The following ZNF804B variants were observed in gnomAD, a reference collection of about 807,000 sequenced individuals.
The protein encoded by ZNF804B is zinc finger 804B.
In ZNF804B, 80 loss-of-function variants were observed where a neutral mutation model predicts 101.4. That is an observed-to-expected ratio of 0.79 (90% CI 0.66 to 0.95). The LOEUF (loss-of-function observed/expected upper bound fraction) is 0.95, where lower values mean the gene tolerates loss of function less well. Among genes scored for constraint, ZNF804B ranks in the 40% least tolerant of loss-of-function variants. The probability of loss-of-function intolerance (pLI) is 0.00; values close to 1 mark genes in which losing one functional copy is unlikely to be tolerated. For missense variants in ZNF804B, 1,673 were observed against 1,561.9 expected, an observed-to-expected ratio of 1.07 and a Z score of -1.20; for synonymous variants, 622 against 558.8, an observed-to-expected ratio of 1.11 and a Z score of -1.59.
chr7:89,018,468 T>C (rs1371706746), intron 1 of ZNF804B, among the ~76,000 whole-genome samples: 1 of 70,222 alleles, frequency 1.4e-5, no homozygotes, highest in African/African-American at 9.1e-5. Flanking sequence ...GTCTGTAGTT[T>C]TTATGGAGTT....
chr7:89,327,404 G>T lies in ZNF804B; in HGVS notation c.310G>T (p.Asp104Tyr). The change falls in exon 3 of 4, where the codon GAT becomes TAT. Residue 104 changes from aspartate to tyrosine, a missense_variant. Transcript: ENST00000333190. ...ARNVASKSWK[D>Y]EKKQEKALKR... ...AAATGTAGCTTCTAAGTCATGGAAA[G>T]ATGAGAAAAAACAAGAAAAAGCACT... 2 of 1,611,392 alleles carry T rather than the reference G, an allele frequency of 1.2e-6. No homozygotes were observed. Among genetic ancestry groups the T allele is most frequent in the Non-Finnish European group, 8.5e-7 (1 of 1,178,498 alleles).
At chr7:89,083,785 A>T (rs751825426) in intron 1 of ZNF804B, among the ~76,000 whole-genome samples, 1 of 151,910 alleles carries the variant, frequency 6.6e-6, no homozygotes, top group Non-Finnish European at 1.5e-5. Context: ...TTATACCTGA[A>T]AAAGAGTGTA....
At position 88,944,813 on chromosome 7, in the gene ZNF804B, A is replaced by G. The variant is rs538460068; in HGVS notation, c.108+184729A>G. ...AACTTTTTGAGTGCTGACAGACTCAAGTAGAAAATTCTATAATTAGTACTT... is the reference window on the plus strand; with the variant it reads ...AACTTTTTGAGTGCTGACAGACTCAGGTAGAAAATTCTATAATTAGTACTT... On this transcript the variant is annotated intron_variant, in intron 1 of 3. Transcript: ENST00000333190. Among the ~76,000 whole-genome samples the G allele has an allele frequency of 6.6e-5, 10 of 152,054 alleles. No homozygotes were observed. The East Asian group carries it at 1.9e-3, about 30-fold the overall frequency.
chr7:88,794,982 A>G (rs2115694317), intron 1 of ZNF804B: 1 of 1,501,280 alleles, frequency 6.7e-7, no homozygotes, highest in African/African-American at 1.4e-5. Flanking sequence ...TCCAGCTTTT[A>G]GCTTATCATA....
intron 1 of ZNF804B, among the ~76,000 whole-genome samples, chr7:89,008,319 ATAAAGT>A (rs1418573962): frequency 2.6e-5 from 4 of 152,092 alleles, no homozygotes; most frequent in Non-Finnish European, 4.4e-5. Flanking sequence ...TCTGAATCAT[ATAAAGT>A]TAATCTGTGA....
intron 1 of ZNF804B, among the ~76,000 whole-genome samples, chr7:89,074,540 A>T (rs1250066201): frequency 6.6e-6 from 1 of 152,116 alleles, no homozygotes; most frequent in East Asian, 1.9e-4. Context: ...CTTGTCTTCC[A>T]CCACAATTGT....
intron 2 of ZNF804B, among the ~76,000 whole-genome samples, chr7:89,230,541 G>A (rs192695603): frequency 5.9e-5 from 9 of 152,240 alleles, no homozygotes; most frequent in Admixed American, 6.5e-5. Context: ...ATGTAAATAA[G>A]TAAATAAGAC....
intron 1 of ZNF804B, among the ~76,000 whole-genome samples, chr7:89,101,533 T>TAA (rs1285979450): frequency 6.6e-6 from 1 of 151,958 alleles, no homozygotes; most frequent in Non-Finnish European, 1.5e-5. Flanking sequence ...AACTCACATT[T>TAA]ATAAAAGGTG....
intron 2 of ZNF804B, among the ~76,000 whole-genome samples, chr7:89,224,644 C>T (rs1022775362): frequency 6.6e-6 from 1 of 151,592 alleles, no homozygotes; most frequent in Non-Finnish European, 1.5e-5. Context: ...TGAATACCTT[C>T]AGTACCATAA....
intron 1 of ZNF804B, among the ~76,000 whole-genome samples, chr7:89,044,437 C>A (rs1016989261): frequency 6.6e-6 from 1 of 152,088 alleles, no homozygotes; most frequent in Non-Finnish European, 1.5e-5. Flanking sequence ...TGCAAAGATA[C>A]CCAAAAATGT....
At position 88,871,160 on chromosome 7, in the gene ZNF804B, T is replaced by C. The variant is rs898856687; in HGVS notation, c.108+111076T>C. 2.0e-5 allele frequency among the ~76,000 whole-genome samples: 3 copies of C among 152,136 alleles called. No homozygotes were observed. The South Asian group carries it at 6.2e-4, about 32-fold the overall frequency. On this transcript the variant is annotated intron_variant, in intron 1 of 3. Coordinates refer to ENST00000333190, the MANE Select transcript of ZNF804B (RefSeq NM_181646.5). ...TGTTGAATTGTCTCCTGCAAATAGG[T>C]GAAGATACCTGAAAAATAAAACATG... is the stretch of plus-strand genomic sequence containing the variant.
At position 88,918,768 on chromosome 7, in the gene ZNF804B, G is replaced by A. The variant is rs923646557; in HGVS notation, c.108+158684G>A. On this transcript the variant is annotated intron_variant, in intron 1 of 3. Transcript: ENST00000333190. Reference sequence around the variant, plus strand: ...TGTCCAAGGCCTAAGAGTGGGATTGGGGGGTGAGGGGGACGATAGATTCTT... The same window carrying A: ...TGTCCAAGGCCTAAGAGTGGGATTGAGGGGTGAGGGGGACGATAGATTCTT... 2.0e-5 allele frequency among the ~76,000 whole-genome samples: 3 copies of A among 152,054 alleles called. No individual in the cohort carries two copies. In the East Asian group the frequency reaches 5.8e-4, roughly 29 times the overall value.
intron 3 of ZNF804B, among the ~76,000 whole-genome samples, chr7:89,328,526 C>T (rs774232451): frequency 5.3e-5 from 8 of 151,764 alleles, no homozygotes; most frequent in South Asian, 2.1e-4. Context: ...CTAGAAGCAA[C>T]GCATACATTT....
chr7:88,979,944 A>G (rs1300418149), intron 1 of ZNF804B, among the ~76,000 whole-genome samples: 40 of 151,006 alleles, frequency 2.6e-4, no homozygotes, highest in Non-Finnish European at 3.0e-5. Context: ...TGTATTTTAA[A>G]TACCCTGTCT....
At chr7:89,243,707 T>C (rs1199319673) in intron 2 of ZNF804B, among the ~76,000 whole-genome samples, 1 of 151,936 alleles carries the variant, frequency 6.6e-6, no homozygotes, top group African/African-American at 2.4e-5. Context: ...AGCAGTCTTA[T>C]CTATTGTGTT....
In ZNF804B at chr7:89,300,881, T is replaced by C. The variant is rs1229933029; in HGVS notation, c.250-26463T>C. On this transcript the variant is annotated intron_variant, in intron 2 of 3. Transcript: ENST00000333190. ...TGGATAGAAGTGGAGGAGGGTGAAA[T>C]TGGCAGCTGAGAGATCTGCTAGATC... 1.5e-4 allele frequency among the ~76,000 whole-genome samples: 22 copies of C among 151,626 alleles called. No individual in the cohort carries two copies. The Admixed American group carries it at 1.5e-3, about 10-fold the overall frequency.
rs551439197 is a variant in ZNF804B, at chr7:89,309,824, A to G, written c.250-17520A>G. Reference sequence around the variant, plus strand: ...AAGCAGTATGCTTGGTTGAACACTAACAACTGTAACCCTTCCTTCTGGCAT... The same window carrying G: ...AAGCAGTATGCTTGGTTGAACACTAGCAACTGTAACCCTTCCTTCTGGCAT... On this transcript the variant is annotated intron_variant, in intron 2 of 3. Transcript: ENST00000333190. 5.3e-5 allele frequency among the ~76,000 whole-genome samples: 8 copies of G among 150,258 alleles called. No individual in the cohort carries two copies. The East Asian group carries it at 1.6e-3, about 30-fold the overall frequency.
chr7:89,165,207 C>A (rs963265317), intron 1 of ZNF804B, among the ~76,000 whole-genome samples: 1 of 152,028 alleles, frequency 6.6e-6, no homozygotes, highest in African/African-American at 2.4e-5. Flanking sequence ...GCCATTCTTA[C>A]AGTCTGAAAT....
chr7:88,794,793 C>A (rs917454420), intron 1 of ZNF804B: 3 of 1,613,656 alleles, frequency 1.9e-6, no homozygotes, highest in Non-Finnish European at 2.5e-6. Flanking sequence ...CCACTAGAAA[C>A]ATCCTATCAA....
Sources: allele counts gnomAD v4.1 joint callset (sites outside exome capture counted in the v4.1 genomes callset), GRCh38; gene constraint gnomAD v4.1.1; transcripts MANE v1.5; gene names NCBI Gene and HGNC (gene_info 2026-07-23, HGNC 2026-07-21).